Variants in TARM1 observed in about 807,000 individuals in gnomAD.
TARM1 encodes the protein T-cell-interacting, activating receptor on myeloid cells protein 1.
Under a neutral mutation model 30.4 loss-of-function variants are expected in TARM1, and 24 were observed. The ratio of observed to expected loss-of-function variants is 0.79; its 90% CI spans 0.57 to 1.11. The LOEUF (loss-of-function observed/expected upper bound fraction) is 1.11, where lower values mean the gene tolerates loss of function less well. Among genes scored for constraint, TARM1 ranks in the 50% least tolerant of loss-of-function variants. The pLI is 0.00. For missense variants in TARM1, 323 were observed against 332.8 expected (o/e 0.97, Z 0.23); for synonymous variants, 129 against 138.9 (o/e 0.93, Z 0.50).
At chr19:54,077,662 G>A (rs587764948) in intron 1 of TARM1, among the ~76,000 whole-genome samples, 43 of 150,874 alleles carry the variant, frequency 2.9e-4, no homozygotes, top group South Asian at 2.5e-3. Context: ...TTCAAACAAC[G>A]TAAGTGTCCA....
intron 4 of TARM1, among the ~76,000 whole-genome samples, chr19:54,070,659 C>T (rs1295880442): frequency 6.6e-6 from 1 of 151,928 alleles, no homozygotes; most frequent in Non-Finnish European, 1.5e-5. Flanking sequence ...GTTGCCCAGA[C>T]TGGAGTGTAA....
At chr19:54,077,125 G>A (rs148720196) in intron 1 of TARM1, among the ~76,000 whole-genome samples, 3,232 of 152,184 alleles carry the variant, frequency 0.021, 125 homozygotes, top group African/African-American at 0.074. Context: ...GCTCCCGCCT[G>A]TAATCCCAGC....
chr19:54,076,060 A>G, intron 1 of TARM1, 142 bp from the exon 2 acceptor site: 1 of 1,432,780 alleles, frequency 7.0e-7, no homozygotes, highest in South Asian at 1.3e-5. Context: ...CATTCTCCCC[A>G]CACTGGACTG....
intron 1 of TARM1, among the ~76,000 whole-genome samples, chr19:54,080,540 AAGGG>A (rs1555775779): frequency 7.2e-6 from 1 of 138,782 alleles, no homozygotes; most frequent in African/African-American, 2.7e-5. Flanking sequence ...GGAAGGAAGG[AAGGG>A]AAGGAGAAAA....
intron 1 of TARM1, among the ~76,000 whole-genome samples, chr19:54,077,590 T>C (rs984929611): frequency 1.3e-5 from 2 of 152,030 alleles, no homozygotes; most frequent in Admixed American, 6.6e-5. Flanking sequence ...ATTACATCCA[T>C]GAGCCAATCC....
Position 54,073,818 on chromosome 19 carries a change from G to A in TARM1, c.658+102C>T, listed in dbSNP as rs908940258. On this transcript the variant is annotated intron_variant, in intron 4 of 4. Transcript: ENST00000432826. ...AGAAAGGGAAGATTTTGTTAAGAGCGATGATATTGTAAGTAATGAAGAAAT... is the reference window on the plus strand; with the variant it reads ...AGAAAGGGAAGATTTTGTTAAGAGCAATGATATTGTAAGTAATGAAGAAAT... 4 of 1,376,898 alleles carry A rather than the reference G, an allele frequency of 2.9e-6. No individual in the cohort carries two copies. In the African/African-American group the frequency reaches 4.4e-5, roughly 15 times the overall value. 85.3% of individuals were successfully genotyped at this position (1,376,898 alleles called of 1,614,324 possible).
At position 54,075,916 on chromosome 19, in the gene TARM1, G is replaced by A; in HGVS notation, c.37C>T (p.Leu13=). ...CTTGTGTCTCCTTGGCCCACGCACA[G>A]TCCTGCAAGACAATCCTCCGTGAGC... The part of the protein sequence containing the change: ...PKLLSLLCFR[L]CVGQGDTRGD... Residue 13 remains leucine, a splice_region_variant and synonymous_variant, in exon 2 of 5, where the codon CTG becomes TTG. Transcript: ENST00000432826. The A allele has an allele frequency of 6.4e-7, 1 of 1,551,222 alleles. No homozygotes were observed.
chr19:54,078,840 T>G (rs1288769310), intron 1 of TARM1, among the ~76,000 whole-genome samples: 1 of 152,100 alleles, frequency 6.6e-6, no homozygotes, highest in Non-Finnish European at 1.5e-5. Flanking sequence ...AAAGGAAATC[T>G]GACATATCCT....
At position 54,078,318 on chromosome 19, in the gene TARM1, T is replaced by C. The variant is rs146735164; in HGVS notation, c.35-2400A>G. On this transcript the variant is annotated intron_variant, in intron 1 of 4. Coordinates refer to ENST00000432826, the MANE Select transcript of TARM1 (RefSeq NM_001135686.3). ...CTCCCACCTCTGCCTCCCGAGTAGC[T>C]GGGACTACAGCTGCACACCACCATG... 4.6e-3 allele frequency among the ~76,000 whole-genome samples: 703 copies of C among 151,628 alleles called. 6 individuals are homozygous for C. The highest frequency in any genetic ancestry group is 0.015 in the African/African-American group (614 of 41,320).
intron 4 of TARM1, among the ~76,000 whole-genome samples, chr19:54,071,852 A>G (rs1310884272): frequency 6.6e-6 from 1 of 151,690 alleles, no homozygotes; most frequent in Admixed American, 6.6e-5. Context: ...ACAAACAAAC[A>G]AAACCCTAGC....
At position 54,070,614 on chromosome 19, in the gene TARM1, ACTT is replaced by A. The variant is rs571427899; in HGVS notation, c.659-457_659-455del. On this transcript the variant is annotated intron_variant, in intron 4 of 4. Transcript: ENST00000432826. ...CACTGTACTTTAAAGTTTTAATTGAACTTTTTTTTTTTCTTGAGATCAAGTTTT... is the reference window on the plus strand; with the variant it reads ...CACTGTACTTTAAAGTTTTAATTGAATTTTTTTTTCTTGAGATCAAGTTTT... Among the ~76,000 whole-genome samples the A allele has an allele frequency of 1.4e-4, 21 of 146,312 alleles. No individual in the cohort carries two copies. The East Asian group carries it at 4.1e-3, about 29-fold the overall frequency.
At position 54,075,091 on chromosome 19, in the gene TARM1, T is replaced by G. The variant is rs762687396; in HGVS notation, c.94A>C (p.Ser32Arg). ...GGGACCACCGAGCTGGGCCAGGCAC[T>G]GAGGGACGGCTTGGGCAGTGACCCT... ...GDGSLPKPSL[S>R]AWPSSVVPAN... The change falls in exon 3 of 5, where the codon AGT becomes CGT. Residue 32 changes from serine (S) to arginine (R), a missense_variant. By Grantham distance (110) the Ser-to-Arg change is moderately radical. Coordinates refer to ENST00000432826, the MANE Select transcript of TARM1 (RefSeq NM_001135686.3). The G allele has an allele frequency of 4.5e-6, 7 of 1,551,170 alleles. No individual in the cohort carries two copies. The African/African-American group carries it at 9.6e-5, about 21-fold the overall frequency.
intron 4 of TARM1, among the ~76,000 whole-genome samples, chr19:54,072,835 A>G (rs2071845224): frequency 6.6e-6 from 1 of 151,678 alleles, no homozygotes; most frequent in African/African-American, 2.4e-5. Flanking sequence ...AAAATTAGCC[A>G]GGCGTGGTGG....
intron 1 of TARM1, among the ~76,000 whole-genome samples, chr19:54,080,171 G>GAAAT: frequency 7.9e-6 from 1 of 126,998 alleles, no homozygotes; most frequent in East Asian, 2.7e-4. Context: ...AAGCAAGCAA[G>GAAAT]CAAGCAAGCA....
rs587673311 is a variant in TARM1, at chr19:54,075,799, A to G, written c.70+84T>C. On this transcript the variant is annotated intron_variant, in intron 2 of 4. Transcript: ENST00000432826. ...AGAGTGAGACTCCGTCAAAAAAAAA[A>G]GAGAAAAAGAGGGGGAAGGGGAAGA... is the stretch of plus-strand genomic sequence containing the variant. 1.4e-5 allele frequency: 20 copies of G among 1,442,424 alleles called. No individual in the cohort carries two copies. The East Asian group carries it at 2.5e-4, about 18-fold the overall frequency. The allele number at this position is 1,442,424 out of a possible 1,614,324, so 89.4% of individuals were successfully genotyped here.
intron 4 of TARM1, among the ~76,000 whole-genome samples, chr19:54,071,501 C>T (rs1054079151): frequency 7.9e-5 from 12 of 151,956 alleles, no homozygotes; most frequent in African/African-American, 2.9e-4. Context: ...GCACACACTG[C>T]TGTGCAGCAG....
rs767412580 is a variant in TARM1, at chr19:54,081,337, T to A, written c.4A>T (p.Ile2Phe). The stretch of plus-strand genomic sequence containing the variant: ...CAGAGGAGGGAAAGCAGCTTAGGGA[T>A]CATGATGGCTCCTTAGCCCTCCCAG... M[I>F]PKLLSLLCFR... Residue 2 changes from isoleucine to phenylalanine, a missense_variant, in exon 1 of 5, where the codon ATC becomes TTC. Coordinates refer to ENST00000432826, the MANE Select transcript of TARM1 (RefSeq NM_001135686.3). 1.3e-6 allele frequency: 2 copies of A among 1,541,440 alleles called. No individual in the cohort carries two copies. The highest frequency in any genetic ancestry group is 1.2e-5 in the South Asian group (1 of 82,360).
intron 4 of TARM1, among the ~76,000 whole-genome samples, chr19:54,071,015 C>T (rs971001767): frequency 1.1e-4 from 17 of 151,754 alleles, no homozygotes; most frequent in Admixed American, 2.0e-4. Context: ...TGGAGTGCAG[C>T]GACGCAGTCT....
chr19:54,080,445 G>A (rs1168661957), intron 1 of TARM1, among the ~76,000 whole-genome samples: 4 of 118,792 alleles, frequency 3.4e-5, no homozygotes, highest in Non-Finnish European at 4.9e-5. Flanking sequence ...GCGACAGAGC[G>A]AGACTCCATC....
Sources: gnomAD v4.1 joint callset for allele counts (sites outside exome capture counted in the v4.1 genomes callset) on GRCh38, gnomAD v4.1.1 for gene constraint, MANE v1.5 for transcripts, NCBI Gene and HGNC (gene_info 2026-07-23, HGNC 2026-07-21) for gene names.